Variants in ATP2C1 observed in about 807,000 individuals in gnomAD.
ATP2C1 encodes the protein ATPase secretory pathway Ca2+ transporting 1.
ATP2C1 carries 31 observed loss-of-function variants against 120.5 expected under a neutral mutation model. That is an observed-to-expected ratio of 0.26 (90% confidence interval 0.19 to 0.35). The LOEUF (loss-of-function observed/expected upper bound fraction) is 0.35. Ranked by LOEUF, ATP2C1 falls within the 10% of genes least tolerant of loss-of-function variation. The probability of loss-of-function intolerance (pLI) is 1.00; values close to 1 mark genes in which losing one functional copy is unlikely to be tolerated. For synonymous variants in ATP2C1, 351 were observed against 358.7 expected (o/e 0.98, Z 0.24); for missense variants, 731 against 1,107.5 (o/e 0.66, Z 4.83).
At chr3:130,982,030 G>T (rs1560009495) in intron 20 of ATP2C1, among the ~76,000 whole-genome samples, 1 of 152,070 alleles carries the variant, frequency 6.6e-6, no homozygotes, top group Admixed American at 6.6e-5. Flanking sequence ...ATTTTGATTA[G>T]GTCTAGTTTT....
intron 22 of ATP2C1, 45 bp from the exon 23 acceptor site, chr3:130,995,998 G>T: frequency 3.3e-6 from 4 of 1,224,444 alleles, no homozygotes; most frequent in Admixed American, 3.4e-5. Context: ...ATACATTTTT[G>T]TATGATAATA....
intron 26 of ATP2C1, chr3:131,015,343 T>C (rs948585795): frequency 1.6e-6 from 1 of 633,106 alleles, no homozygotes; most frequent in Non-Finnish European, 2.8e-6. Flanking sequence ...ATCTATCTCC[T>C]TTTTATCTTC....
At chr3:130,856,974 C>T (rs1194758011) in intron 1 of ATP2C1, among the ~76,000 whole-genome samples, 1 of 152,128 alleles carries the variant, frequency 6.6e-6, no homozygotes, top group Admixed American at 6.5e-5. Context: ...ACTTTGGGCA[C>T]AAATGGGTTA....
intron 20 of ATP2C1, among the ~76,000 whole-genome samples, chr3:130,983,945 A>G (rs1560011971): frequency 6.6e-6 from 1 of 152,182 alleles, no homozygotes; most frequent in Non-Finnish European, 1.5e-5. Flanking sequence ...AGGTTTGGCA[A>G]TTATATATAA....
intron 1 of ATP2C1, chr3:130,868,001 AAC>A (rs2068255169): frequency 6.2e-6 from 1 of 162,358 alleles, no homozygotes; most frequent in African/African-American, 2.8e-5. Flanking sequence ...GAAGTGAGGA[AAC>A]CCTCTGCCTG....
intron 1 of ATP2C1, among the ~76,000 whole-genome samples, chr3:130,856,637 C>T (rs987213973): frequency 3.3e-5 from 5 of 152,144 alleles, no homozygotes; most frequent in Non-Finnish European, 7.3e-5. Flanking sequence ...CTCCATGTCC[C>T]CTTAGCCCCA....
chr3:130,883,945 C>CTTTTTT (rs35365168), intron 1 of ATP2C1, among the ~76,000 whole-genome samples: 26 of 122,418 alleles, frequency 2.1e-4, no homozygotes, highest in Non-Finnish European at 3.2e-4. Context: ...TTCTTTTCTT[C>CTTTTTT]TTTTTTTTTT....
chr3:130,909,663 T>C (rs897976238), intron 2 of ATP2C1, among the ~76,000 whole-genome samples: 6 of 152,150 alleles, frequency 3.9e-5, no homozygotes. Context: ...ACTAAAAAGC[T>C]ATCTTTCTCA....
intron 7 of ATP2C1, among the ~76,000 whole-genome samples, chr3:130,941,258 GTGTGTGTC>G (rs1468008533): frequency 1.7e-4 from 18 of 108,370 alleles, no homozygotes; most frequent in South Asian, 5.9e-4. Context: ...GTGTGTGTGT[GTGTGTGTC>G]TGTGTGTGTG....
At chr3:130,958,795 C>T (rs1265148802) in intron 11 of ATP2C1, among the ~76,000 whole-genome samples, 1 of 152,066 alleles carries the variant, frequency 6.6e-6, no homozygotes, top group African/African-American at 2.4e-5. Flanking sequence ...TGAGCCAAGT[C>T]GTAAGTGTCC....
At chr3:130,974,285 T>A (rs1037999284) in intron 17 of ATP2C1, among the ~76,000 whole-genome samples, 1 of 152,214 alleles carries the variant, frequency 6.6e-6, no homozygotes, top group Non-Finnish European at 1.5e-5. Flanking sequence ...GAAAACAACA[T>A]CATGCTCTCC....
At chr3:130,962,575 A>G (rs572092504) in intron 12 of ATP2C1, among the ~76,000 whole-genome samples, 12 of 151,850 alleles carry the variant, frequency 7.9e-5, no homozygotes, top group Non-Finnish European at 1.2e-4. Flanking sequence ...CATTAAAATG[A>G]AAATTTAGAG....
chr3:130,855,059 G>C (rs146303993), intron 1 of ATP2C1, among the ~76,000 whole-genome samples: 1 of 151,858 alleles, frequency 6.6e-6, no homozygotes, highest in Non-Finnish European at 1.5e-5. Context: ...TCCCCCTTAC[G>C]TCCCCTTCCT....
upstream of ATP2C1, among the ~76,000 whole-genome samples, chr3:130,889,719 C>T (rs2069106794): frequency 7.1e-6 from 1 of 141,374 alleles, no homozygotes; most frequent in African/African-American, 2.7e-5. Flanking sequence ...GATTACAGCT[C>T]ACTGCAGCTT....
At chr3:130,976,008 C>G (rs1023702147) in intron 18 of ATP2C1, among the ~76,000 whole-genome samples, 1 of 152,074 alleles carries the variant, frequency 6.6e-6, no homozygotes, top group Non-Finnish European at 1.5e-5. Context: ...GGCCACCTCT[C>G]CTAGGGATGT....
rs1346945172 is a variant in ATP2C1 at position 130,959,327 on chromosome 3, T to C, written c.885T>C (p.Phe295=). 1 of 1,606,726 alleles carries C rather than the reference T, an allele frequency of 6.2e-7. No individual in the cohort carries two copies. Among genetic ancestry groups the C allele is most frequent in the South Asian group, 1.1e-5 (1 of 90,918 alleles). Residue 295 remains phenylalanine (F), a synonymous_variant, in exon 12 of 28, where the codon TTT becomes TTC. Transcript: ENST00000510168. ...TGGGAAAAGATATCCTGGAAATGTT[T>C]ACTATTAGTGTAAGGTAAGTCTCAA... ...WLLGKDILEM[F]TISVSLAVAA...
chr3:130,859,276 C>T (rs949975646), intron 1 of ATP2C1, among the ~76,000 whole-genome samples: 1 of 152,278 alleles, frequency 6.6e-6, no homozygotes, highest in East Asian at 1.9e-4. Flanking sequence ...GAATCAAATG[C>T]CTTTGGTGAT....
intron 14 of ATP2C1, among the ~76,000 whole-genome samples, chr3:130,966,387 A>G (rs975534291): frequency 7.2e-5 from 11 of 152,154 alleles, no homozygotes; most frequent in African/African-American, 2.6e-4. Context: ...CTATTTGTTA[A>G]TTGTTTTATC....
intron 8 of ATP2C1, among the ~76,000 whole-genome samples, chr3:130,947,053 G>A (rs555458469): frequency 3.3e-5 from 5 of 152,188 alleles, no homozygotes; most frequent in Non-Finnish European, 5.9e-5. Flanking sequence ...GACCATGTGA[G>A]CCTAGGCAAG....
Sources: allele counts gnomAD v4.1 joint callset (sites outside exome capture counted in the v4.1 genomes callset), GRCh38; gene constraint gnomAD v4.1.1; transcripts MANE v1.5; gene names NCBI Gene and HGNC (gene_info 2026-07-23, HGNC 2026-07-21).